DAB1: variants seen among roughly 807,000 people sequenced by gnomAD.
DAB1 encodes the protein disabled homolog 1.
Under a neutral mutation model 64.6 loss-of-function variants are expected in DAB1, and 15 were observed. The observed-to-expected ratio is 0.23, with a 90% CI of 0.16 to 0.36. The LOEUF (loss-of-function observed/expected upper bound fraction) is 0.36. DAB1 is among the 10% of genes least tolerant of loss of function. The pLI, the probability that DAB1 is intolerant of heterozygous loss-of-function variation, is 1.00. For synonymous variants in DAB1, 235 were observed against 251.9 expected, an observed-to-expected ratio of 0.93 and a Z score of 0.64; for missense variants, 596 against 706.7, an observed-to-expected ratio of 0.84 and a Z score of 1.78.
intron 1 of DAB1, among the ~76,000 whole-genome samples, chr1:57,331,963 CTTGT>C (rs903585851): frequency 2.6e-5 from 4 of 152,144 alleles, no homozygotes; most frequent in Middle Eastern, 3.4e-3. Flanking sequence ...TTTTTGTTTG[CTTGT>C]TTGTTTGTTT....
intron 1 of DAB1, among the ~76,000 whole-genome samples, chr1:57,357,278 A>G (rs1679181925): frequency 6.6e-6 from 1 of 152,032 alleles, no homozygotes; most frequent in Non-Finnish European, 1.5e-5. Flanking sequence ...TAATACTGAC[A>G]ACAACTGAAA....
intron 4 of DAB1, among the ~76,000 whole-genome samples, chr1:58,210,998 AACCGATCTTGC>A (rs1169488592): frequency 3.3e-5 from 5 of 152,156 alleles, no homozygotes; most frequent in Admixed American, 3.3e-4. Flanking sequence ...AGGTAACGAG[AACCGATCTTGC>A]AGTGGCCCTG....
chr1:58,067,513 AG>A (rs1648930536), intron 5 of DAB1, among the ~76,000 whole-genome samples: 1 of 152,270 alleles, frequency 6.6e-6, no homozygotes, highest in African/African-American at 2.4e-5. Context: ...GCAGCCCATC[AG>A]TAATTGGTAT....
intron 7 of DAB1, among the ~76,000 whole-genome samples, chr1:57,557,551 G>A (rs998817617): frequency 3.3e-5 from 5 of 152,026 alleles, no homozygotes. Context: ...AGGTTCTAGA[G>A]GGACAGAATA....
At chr1:58,005,091 CTGTAGTGAAGT>C (rs1487145832) in intron 5 of DAB1, among the ~76,000 whole-genome samples, 1 of 152,072 alleles carries the variant, frequency 6.6e-6, no homozygotes, top group Non-Finnish European at 1.5e-5. Flanking sequence ...GATAACTTCA[CTGTAGTGAAGT>C]TTACATATCA....
chr1:57,852,922 T>C (rs1653596948), intron 1 of DAB1, among the ~76,000 whole-genome samples: 1 of 152,130 alleles, frequency 6.6e-6, no homozygotes, highest in Non-Finnish European at 1.5e-5. Flanking sequence ...GACACATAAT[T>C]TGTGCTCAAT....
At chr1:57,696,818 G>C (rs568188265) in intron 6 of DAB1, among the ~76,000 whole-genome samples, 2 of 152,050 alleles carry the variant, frequency 1.3e-5, no homozygotes, top group Non-Finnish European at 2.9e-5. Context: ...ATATCATCCT[G>C]GAATTTTCAA....
intron 3 of DAB1, among the ~76,000 whole-genome samples, chr1:58,474,449 G>A (rs1296115719): frequency 6.6e-6 from 1 of 152,038 alleles, no homozygotes; most frequent in Non-Finnish European, 1.5e-5. Context: ...GTTCCCCTGA[G>A]AGAAGGAGTT....
At chr1:57,157,432 C>A (rs1394453814) in intron 2 of DAB1, among the ~76,000 whole-genome samples, 1 of 152,140 alleles carries the variant, frequency 6.6e-6, no homozygotes, top group Non-Finnish European at 1.5e-5. Context: ...ACATTTATTT[C>A]TCATGGTTCT....
At chr1:57,017,078 T>C (rs1013747803) in intron 11 of DAB1, among the ~76,000 whole-genome samples, 1 of 152,118 alleles carries the variant, frequency 6.6e-6, no homozygotes, top group Non-Finnish European at 1.5e-5. Context: ...ATCTTTGCAG[T>C]TAATAGACCT....
At chr1:57,624,552 G>A (rs1364476519) in intron 7 of DAB1, among the ~76,000 whole-genome samples, 3 of 152,158 alleles carry the variant, frequency 2.0e-5, no homozygotes, top group Non-Finnish European at 4.4e-5. Flanking sequence ...CCTTAACTGT[G>A]TATTTATCAT....
intron 5 of DAB1, among the ~76,000 whole-genome samples, chr1:57,941,154 A>T (rs1645098304): frequency 6.6e-6 from 1 of 152,222 alleles, no homozygotes; most frequent in Non-Finnish European, 1.5e-5. Context: ...AGTGGCTATA[A>T]TTAAAATATA....
intron 1 of DAB1, among the ~76,000 whole-genome samples, chr1:57,858,311 T>C (rs1355184818): frequency 1.3e-5 from 2 of 152,176 alleles, no homozygotes; most frequent in Non-Finnish European, 2.9e-5. Context: ...ACTTTCTTGG[T>C]AGGTTAAAGA....
chr1:57,031,777 T>C (rs1646973117), intron 9 of DAB1, among the ~76,000 whole-genome samples: 1 of 152,244 alleles, frequency 6.6e-6, no homozygotes, highest in African/African-American at 2.4e-5. Context: ...TGAGGTCATT[T>C]GGAATGTCAG....
chr1:58,374,080 C>A (rs1167085113), intron 3 of DAB1, among the ~76,000 whole-genome samples: 1 of 44,482 alleles, frequency 2.2e-5, no homozygotes, highest in African/African-American at 6.8e-5. Context: ...TGGATATACG[C>A]CCTTTGTCAG....
At chr1:57,693,394 G>T (rs1029320662) in intron 6 of DAB1, among the ~76,000 whole-genome samples, 1 of 152,078 alleles carries the variant, frequency 6.6e-6, no homozygotes, top group Non-Finnish European at 1.5e-5. Context: ...TCTAGCTAAA[G>T]GATTGTAAAT....
chr1:57,570,467 T>G (rs1195732524), intron 7 of DAB1, among the ~76,000 whole-genome samples: 1 of 152,124 alleles, frequency 6.6e-6, no homozygotes, highest in Non-Finnish European at 1.5e-5. Flanking sequence ...GCTTGCTTTG[T>G]TGAAGATTAG....
At chr1:57,183,933 A>G (rs1270355215) in intron 2 of DAB1, among the ~76,000 whole-genome samples, 1 of 152,190 alleles carries the variant, frequency 6.6e-6, no homozygotes, top group Non-Finnish European at 1.5e-5. Context: ...CAAGCCAGAA[A>G]AGGACATAGA....
intron 6 of DAB1, among the ~76,000 whole-genome samples, chr1:57,756,564 C>G (rs1032882359): frequency 6.6e-6 from 1 of 151,914 alleles, no homozygotes; most frequent in East Asian, 1.9e-4. Context: ...ATGACATGAT[C>G]AGATTTGCTT....
Sources: allele counts gnomAD v4.1 joint callset (sites outside exome capture counted in the v4.1 genomes callset), GRCh38; gene constraint gnomAD v4.1.1; transcripts MANE v1.5; gene names NCBI Gene and HGNC (gene_info 2026-07-23, HGNC 2026-07-21).